The following ADGRF3 variants were observed in gnomAD, a reference collection of about 807,000 sequenced individuals.
ADGRF3 encodes the protein adhesion G protein-coupled receptor F3, also known as G protein-coupled receptor 113.
A neutral mutation model predicts 93.2 loss-of-function variants in ADGRF3; 85 were observed. The observed-to-expected ratio is 0.91, with a 90% confidence interval of 0.77 to 1.09. ADGRF3 has a LOEUF of 1.09. Ranked by LOEUF, ADGRF3 falls within the 50% of genes least tolerant of loss-of-function variation. ADGRF3 has a pLI of 0.00. For synonymous variants in ADGRF3, 534 were observed against 532.5 expected (o/e 1.00, Z -0.04); for missense variants, 1,125 against 1,246.2 (o/e 0.90, Z 1.46).
chr2:26,310,905 C>G lies in ADGRF3; in HGVS notation c.2619G>C (p.Gly873=). The change falls in exon 10 of 14, where the codon GGG becomes GGC. Residue 873 remains glycine, a synonymous_variant. Transcript: ENST00000651242. ...GPVLAIIGVN[G]LVLAMAMLKL... ...TCAGCATGGCCATGGCTAGTACCAG[C>G]CCATTCACGCCTATGATGGCCAGCA... 6.2e-7 allele frequency: 1 copy of G among 1,612,746 alleles called. No homozygotes were observed. Among genetic ancestry groups the G allele is most frequent in the Admixed American group, 1.7e-5 (1 of 59,878 alleles).
intron 1 of ADGRF3, chr2:26,345,616 C>G: frequency 6.5e-6 from 1 of 154,144 alleles, no homozygotes; most frequent in Non-Finnish European, 1.5e-5. Context: ...ATTTCTACGG[C>G]ACGCAGCGCA....
intron 1 of ADGRF3, among the ~76,000 whole-genome samples, chr2:26,334,499 T>A (rs935406991): frequency 6.6e-6 from 1 of 152,174 alleles, no homozygotes; most frequent in Admixed American, 6.5e-5. Flanking sequence ...TTCTCCTGAT[T>A]GCTTTCAAGA....
intron 2 of ADGRF3, 141 bp downstream of exon 2, chr2:26,317,355 C>T (rs1358074998): frequency 3.5e-5 from 28 of 797,240 alleles, no homozygotes; most frequent in South Asian, 8.8e-5. Context: ...CAGACCTGTC[C>T]GACTGTGATC....
intron 1 of ADGRF3, among the ~76,000 whole-genome samples, chr2:26,328,984 G>A (rs1675609483): frequency 6.6e-6 from 1 of 152,252 alleles, no homozygotes; most frequent in African/African-American, 2.4e-5. Flanking sequence ...ATGTCAAAAG[G>A]GATTTTGCAG....
chr2:26,326,084 T>C (rs1046682937), intron 1 of ADGRF3, among the ~76,000 whole-genome samples: 3 of 152,164 alleles, frequency 2.0e-5, no homozygotes, highest in East Asian at 3.8e-4. Flanking sequence ...GCTTCATTAA[T>C]GGAAAAGCTG....
At chr2:26,335,337 C>G (rs1217818324) in intron 1 of ADGRF3, among the ~76,000 whole-genome samples, 3 of 152,212 alleles carry the variant, frequency 2.0e-5, no homozygotes, top group African/African-American at 7.2e-5. Flanking sequence ...ATAATGTTTT[C>G]AAGTTCGTGC....
chr2:26,330,181 T>C (rs891904113), intron 1 of ADGRF3, among the ~76,000 whole-genome samples: 4 of 152,184 alleles, frequency 2.6e-5, no homozygotes, highest in African/African-American at 7.2e-5. Context: ...GCTATTCAGA[T>C]CTTCTGCAGA....
intron 1 of ADGRF3, among the ~76,000 whole-genome samples, chr2:26,318,342 C>G (rs536758302): frequency 6.6e-6 from 1 of 152,184 alleles, no homozygotes; most frequent in African/African-American, 2.4e-5. Flanking sequence ...GCCTTTAGTC[C>G]CAGTTACTTG....
intron 9 of ADGRF3, among the ~76,000 whole-genome samples, chr2:26,312,314 AG>A (rs1235017267): frequency 1.3e-5 from 2 of 152,152 alleles, no homozygotes; most frequent in East Asian, 3.9e-4. Flanking sequence ...ACCTGCACCC[AG>A]CCCCTCTGCT....
intron 1 of ADGRF3, among the ~76,000 whole-genome samples, chr2:26,326,690 T>C (rs1050565780): frequency 6.6e-6 from 1 of 152,214 alleles, no homozygotes; most frequent in Non-Finnish European, 1.5e-5. Flanking sequence ...AACCTATTGT[T>C]CATGAGTATA....
intron 12 of ADGRF3, 47 bp downstream of exon 12, chr2:26,309,996 G>T (rs1244095301): frequency 6.2e-7 from 1 of 1,614,082 alleles, no homozygotes; most frequent in African/African-American, 1.3e-5. Context: ...AATGCCTTCT[G>T]ACATGCTCTT....
intron 9 of ADGRF3, among the ~76,000 whole-genome samples, 158 bp downstream of exon 9, chr2:26,312,785 C>CG: frequency 6.6e-6 from 1 of 152,210 alleles, no homozygotes; most frequent in Non-Finnish European, 1.5e-5. Context: ...AGAGTGGTGT[C>CG]TGAGAGGAGA....
intron 12 of ADGRF3, 34 bp from the exon 13 acceptor site, chr2:26,309,615 A>G: frequency 6.2e-7 from 1 of 1,606,372 alleles, no homozygotes; most frequent in Non-Finnish European, 8.5e-7. Context: ...ATTGCAGGGC[A>G]GTTATTAGTA....
intron 1 of ADGRF3, among the ~76,000 whole-genome samples, chr2:26,319,581 T>C (rs890593613): frequency 0.012 from 584 of 46,938 alleles, 12 homozygotes; most frequent in Middle Eastern, 0.022. Context: ...CTTCCTTCCT[T>C]CCTTCCTTCC....
intron 3 of ADGRF3, among the ~76,000 whole-genome samples, 178 bp from the exon 4 acceptor site, chr2:26,316,626 GC>G (rs758731595): frequency 6.6e-6 from 1 of 152,174 alleles, no homozygotes; most frequent in Non-Finnish European, 1.5e-5. Flanking sequence ...AGGACTCGAA[GC>G]AGCAGATGTC....
Position 26,310,870 on chromosome 2 carries a change from C to T in ADGRF3, c.2654G>A (p.Arg885Lys). The T allele has an allele frequency of 6.2e-7, 1 of 1,612,854 alleles. No homozygotes were observed. Among genetic ancestry groups the T allele is most frequent in the Non-Finnish European group, 8.5e-7 (1 of 1,179,404 alleles). The change falls in exon 10 of 14, where the codon AGA (arginine) becomes AAA (lysine). Residue 885 changes from arginine (R) to lysine (K), a missense_variant. Coordinates refer to ENST00000651242, the MANE Select transcript of ADGRF3 (RefSeq NM_001321971.2). ...TGGGGGTCCCTCTGACAGCGAAGGT[C>T]TCAGCAACTTCAGCATGGCCATGGC... ...VLAMAMLKLL[R>K]PSLSEGPPAE...
chr2:26,316,382 C>T lies in ADGRF3; in HGVS notation c.392G>A (p.Ser131Asn). Residue 131 changes from serine (S) to asparagine (N), a missense_variant, in exon 4 of 14, where the codon AGC becomes AAC. By Grantham distance (46) the Ser-to-Asn change is conservative. Transcript: ENST00000651242. ...ACAAGGAGGGTAATGGAGGCAGATG[C>T]TGGTGTTCCACTGGTAGCCAGAGAG... ...ACLSGYQWNTSICLHYPPCQS... is the reference protein window; with the variant it reads ...ACLSGYQWNTNICLHYPPCQS... 2 of 1,551,830 alleles carry T rather than the reference C, an allele frequency of 1.3e-6. No individual in the cohort carries two copies. The highest frequency in any genetic ancestry group is 1.7e-4 in the Middle Eastern group (1 of 5,992).
rs1031705632 is a variant in ADGRF3, at chr2:26,346,433, C to CTGGGGAT, written c.-206_-200dup. 5 of 1,039,636 alleles carry CTGGGGAT rather than the reference C, an allele frequency of 4.8e-6. No homozygotes were observed. The highest frequency in any genetic ancestry group is 6.6e-6 in the Non-Finnish European group (5 of 755,260). 64.4% of individuals were successfully genotyped at this position (1,039,636 alleles called of 1,614,324 possible). On this transcript the variant is annotated 5_prime_UTR_variant, in exon 1 of 14. An upstream open reading frame in the 5' UTR gains an earlier in-frame stop. Transcript: ENST00000651242. Reference sequence around the variant, plus strand: ...CGTTCCTCCGGAGGTCCTGCGGGTCCTGGGGATTGGGGGTCGGGGAGCGTG... The same window carrying CTGGGGAT: ...CGTTCCTCCGGAGGTCCTGCGGGTCCTGGGGATTGGGGATTGGGGGTCGGGGAGCGTG...
chr2:26,310,615 ACCTC>A, intron 10 of ADGRF3, 73 bp downstream of exon 10: 1 of 1,431,666 alleles, frequency 7.0e-7, no homozygotes, highest in Non-Finnish European at 9.5e-7. Context: ...CCACCTTGGT[ACCTC>A]CTAGAGAAGA....
Sources: gnomAD v4.1 joint callset for allele counts (sites outside exome capture counted in the v4.1 genomes callset) on GRCh38, gnomAD v4.1.1 for gene constraint, MANE v1.5 for transcripts, NCBI Gene and HGNC (gene_info 2026-07-23, HGNC 2026-07-21) for gene names.